ADAM12: variants seen among roughly 807,000 people sequenced by gnomAD.
ADAM12 encodes ADAM metallopeptidase domain 12.
ADAM12 carries 70 observed loss-of-function variants against 106.4 expected under a neutral mutation model. That is an observed-to-expected ratio of 0.66 (90% CI 0.54 to 0.80). The LOEUF (loss-of-function observed/expected upper bound fraction) is 0.80, where lower values mean the gene tolerates loss of function less well. Among genes scored for constraint, ADAM12 ranks in the 30% least tolerant of loss-of-function variants. The pLI is 0.00. For missense variants in ADAM12, 1,010 were observed against 1,171.9 expected (o/e 0.86, Z 2.02); for synonymous variants, 420 against 433.5 (o/e 0.97, Z 0.39).
chr10:126,322,236 G>A (rs1206817272), intron 2 of ADAM12, among the ~76,000 whole-genome samples: 1 of 152,128 alleles, frequency 6.6e-6, no homozygotes, highest in Admixed American at 6.6e-5. Flanking sequence ...CAGTTGAGTC[G>A]CTTCAGCAGG....
chr10:126,019,588 G>A, intron 22 of ADAM12, 107 bp downstream of exon 22: 1 of 1,413,240 alleles, frequency 7.1e-7, no homozygotes, highest in East Asian at 2.4e-5. Context: ...AGGGGGAGCA[G>A]GAAGCACGGC....
At chr10:126,311,348 CA>C (rs1961088146) in intron 2 of ADAM12, among the ~76,000 whole-genome samples, 1 of 152,068 alleles carries the variant, frequency 6.6e-6, no homozygotes, top group Non-Finnish European at 1.5e-5. Context: ...CTCCAAAAAA[CA>C]ATTATAAAAA....
chr10:126,274,736 C>T (rs956343478), intron 3 of ADAM12, among the ~76,000 whole-genome samples: 2 of 152,166 alleles, frequency 1.3e-5, no homozygotes, highest in Non-Finnish European at 2.9e-5. Context: ...CCTCAGTCGC[C>T]CTCTTCAACA....
intron 3 of ADAM12, among the ~76,000 whole-genome samples, chr10:126,272,077 T>C (rs1195918271): frequency 2.6e-5 from 4 of 152,330 alleles, no homozygotes; most frequent in South Asian, 4.1e-4. Context: ...AGACCAGGCA[T>C]TGGCCCCATA....
chr10:126,184,133 C>T (rs969091032), intron 3 of ADAM12, among the ~76,000 whole-genome samples: 1 of 152,188 alleles, frequency 6.6e-6, no homozygotes, highest in Admixed American at 6.5e-5. Context: ...AATATTTCAG[C>T]CCCTTCCAAG....
At position 126,108,811 on chromosome 10, in the gene ADAM12, C is replaced by T. The variant is rs2277218; in HGVS notation, c.670-147G>A. On this transcript the variant is annotated intron_variant, in intron 7 of 22. Coordinates refer to ENST00000448723, the MANE Select transcript of ADAM12 (RefSeq NM_001288973.2). ...ACGGTAAAATGAGCTTGCATCCTGC[C>T]GACTAACTTTCCCGGCTGGGGACTC... The T allele has an allele frequency of 5.7e-3, 4,039 of 714,296 alleles. 88 individuals carry two copies. Among genetic ancestry groups the T allele is most frequent in the East Asian group, 0.045 (1,596 of 35,752 alleles). The allele number at this position is 714,296 out of a possible 1,614,324, so 44.2% of individuals were successfully genotyped here. A position where few individuals can be genotyped will look rare whatever the true frequency, so the allele number is the denominator to read the frequency against.
intron 2 of ADAM12, among the ~76,000 whole-genome samples, chr10:126,299,319 T>C (rs1200562506): frequency 6.6e-6 from 1 of 152,246 alleles, no homozygotes; most frequent in Admixed American, 6.5e-5. Flanking sequence ...AGATTTCTTC[T>C]AGCTACGTCC....
chr10:126,265,046 A>G (rs1029222926), intron 3 of ADAM12, among the ~76,000 whole-genome samples: 3 of 152,338 alleles, frequency 2.0e-5, no homozygotes, highest in East Asian at 1.9e-4. Context: ...AGGCTTTTGG[A>G]TCAAGAAGTG....
At chr10:126,068,737 A>C (rs1379015458) in intron 12 of ADAM12, among the ~76,000 whole-genome samples, 1 of 152,214 alleles carries the variant, frequency 6.6e-6, no homozygotes, top group Non-Finnish European at 1.5e-5. Context: ...CTGCTGCTAC[A>C]TTGATTATTT....
chr10:126,189,860 T>C (rs1957465446), intron 3 of ADAM12, among the ~76,000 whole-genome samples: 1 of 152,140 alleles, frequency 6.6e-6, no homozygotes, highest in African/African-American at 2.4e-5. Flanking sequence ...GAAGACGGCA[T>C]TGCGGTAATC....
intron 11 of ADAM12, among the ~76,000 whole-genome samples, chr10:126,089,347 T>A (rs1014685108): frequency 3.0e-4 from 45 of 152,228 alleles, no homozygotes; most frequent in African/African-American, 1.1e-3. Context: ...GAGCGTGGCG[T>A]GATGAGCACC....
intron 5 of ADAM12, among the ~76,000 whole-genome samples, chr10:126,122,790 G>C (rs1175896798): frequency 2.0e-5 from 3 of 152,074 alleles, no homozygotes; most frequent in African/African-American, 7.2e-5. Flanking sequence ...CAGGCAAGGG[G>C]AAAGTGGAAA....
At chr10:126,182,356 T>A (rs1216887341) in intron 3 of ADAM12, among the ~76,000 whole-genome samples, 2 of 152,172 alleles carry the variant, frequency 1.3e-5, no homozygotes, top group African/African-American at 2.4e-5. Context: ...ATTTATAGTC[T>A]CGTACAAATG....
intron 21 of ADAM12, among the ~76,000 whole-genome samples, chr10:126,034,546 T>C (rs1338465878): frequency 6.6e-6 from 1 of 152,148 alleles, no homozygotes; most frequent in Non-Finnish European, 1.5e-5. Context: ...AATATTAACA[T>C]GGTAGACTTA....
At chr10:126,152,511 C>T (rs181359736) in intron 4 of ADAM12, among the ~76,000 whole-genome samples, 19 of 151,846 alleles carry the variant, frequency 1.3e-4, no homozygotes, top group Admixed American at 6.5e-4. Flanking sequence ...CTATTAATGT[C>T]ATTTTTGCCT....
intron 14 of ADAM12, among the ~76,000 whole-genome samples, chr10:126,063,098 G>A (rs946949421): frequency 5.3e-5 from 8 of 152,352 alleles, no homozygotes; most frequent in Admixed American, 2.0e-4. Flanking sequence ...CCCAGCAGGC[G>A]ATGATGCCAG....
At chr10:126,233,424 G>A (rs1958352207) in intron 3 of ADAM12, among the ~76,000 whole-genome samples, 1 of 152,196 alleles carries the variant, frequency 6.6e-6, no homozygotes. Flanking sequence ...GGGTGTGCAA[G>A]TAGCAGTGAT....
rs138256616 is a variant in ADAM12 at position 126,270,414 on chromosome 10, C to T, written c.260+8501G>A. Among the ~76,000 whole-genome samples the T allele has an allele frequency of 1.1e-4, 17 of 152,338 alleles. No homozygotes were observed. In the East Asian group the frequency reaches 1.5e-3, roughly 14 times the overall value. On this transcript the variant is annotated intron_variant, in intron 3 of 22. Coordinates refer to ENST00000448723, the MANE Select transcript of ADAM12 (RefSeq NM_001288973.2). Reference sequence around the variant, plus strand: ...TGGAATTTCCCTGCTAGCCCCAGTGCTGTCCAACAGAAATTTCTATGATGA... The same window carrying T: ...TGGAATTTCCCTGCTAGCCCCAGTGTTGTCCAACAGAAATTTCTATGATGA...
At chr10:126,115,404 A>G (rs960111854) in intron 6 of ADAM12, among the ~76,000 whole-genome samples, 3 of 152,298 alleles carry the variant, frequency 2.0e-5, no homozygotes, top group South Asian at 2.1e-4. Context: ...CTGAACAGTA[A>G]GGAGGCTTCA....
Sources: allele counts gnomAD v4.1 joint callset (sites outside exome capture counted in the v4.1 genomes callset), GRCh38; gene constraint gnomAD v4.1.1; transcripts MANE v1.5; gene names NCBI Gene and HGNC (gene_info 2026-07-23, HGNC 2026-07-21).